Variants in RXFP2 observed in about 807,000 individuals in gnomAD.
The protein encoded by RXFP2 is relaxin family peptide receptor 2.
Under a neutral mutation model 88.6 loss-of-function variants are expected in RXFP2, and 68 were observed. The ratio of observed to expected loss-of-function variants is 0.77; its 90% CI spans 0.63 to 0.94. RXFP2 has a LOEUF of 0.94. RXFP2 is among the 40% of genes least tolerant of loss of function. RXFP2 has a pLI of 0.00. For missense variants in RXFP2, 791 were observed against 893.9 expected, an observed-to-expected ratio of 0.88 and a Z score of 1.47; for synonymous variants, 329 against 306.8, an observed-to-expected ratio of 1.07 and a Z score of -0.76.
chr13:31,750,861 T>C (rs1871637933), intron 1 of RXFP2, among the ~76,000 whole-genome samples: 1 of 152,238 alleles, frequency 6.6e-6, no homozygotes, highest in Non-Finnish European at 1.5e-5. Context: ...GACTTACTTG[T>C]ATGGTTCTTC....
At chr13:31,786,665 T>G (rs112901614) in intron 13 of RXFP2, 28 bp downstream of exon 13, 9 of 1,354,166 alleles carry the variant, frequency 6.6e-6, no homozygotes, top group African/African-American at 4.3e-5. Flanking sequence ...ATTATATTGA[T>G]TATAATTTTA....
In RXFP2 at chr13:31,739,582, A is replaced by C; in HGVS notation, c.-31A>C. ...AGAACTCCTGCTGAGGTATAAGAGG[A>C]TACGTCTAATAACTCAATTGCTGTA... On this transcript the variant is annotated 5_prime_UTR_variant, in exon 1 of 18. Transcript: ENST00000298386. The C allele has an allele frequency of 7.3e-7, 1 of 1,366,260 alleles. No homozygotes were observed. 84.6% of individuals were successfully genotyped at this position (1,366,260 alleles called of 1,614,324 possible).
chr13:31,780,838 T>C (rs541710415), intron 9 of RXFP2, among the ~76,000 whole-genome samples: 9 of 152,150 alleles, frequency 5.9e-5, no homozygotes, highest in Non-Finnish European at 1.3e-4. Context: ...TCGTAAACAA[T>C]GGGCGAACTT....
At chr13:31,787,688 A>G (rs7332735) in intron 13 of RXFP2, among the ~76,000 whole-genome samples, 91,572 of 151,988 alleles carry the variant, frequency 0.6, 27,760 homozygotes, top group East Asian at 0.77. Flanking sequence ...CGCCCAGGCT[A>G]GAGTGCAATG....
chr13:31,760,468 T>C (rs1872256324), intron 2 of RXFP2, among the ~76,000 whole-genome samples: 1 of 152,196 alleles, frequency 6.6e-6, no homozygotes. Flanking sequence ...CTTAGAGCAG[T>C]AGAGTACACA....
rs138767705 is a variant in RXFP2 at position 31,790,454 on chromosome 13, C to T, written c.1145+1261C>T. On this transcript the variant is annotated intron_variant, in intron 14 of 17. Transcript: ENST00000298386. The stretch of plus-strand genomic sequence containing the variant: ...AGATATTAGGAAGCTGAACTGTAAG[C>T]TACTTGAAGGCAAGAATTGCCTCCT... Among the ~76,000 whole-genome samples the T allele has an allele frequency of 2.7e-3, 414 of 152,338 alleles. 3 individuals are homozygous for T. Among genetic ancestry groups the T allele is most frequent in the African/African-American group, 9.2e-3 (381 of 41,568 alleles).
intron 5 of RXFP2, among the ~76,000 whole-genome samples, chr13:31,767,272 T>C (rs527968124): frequency 8.0e-4 from 122 of 152,286 alleles, no homozygotes; most frequent in Non-Finnish European, 1.1e-3. Context: ...CTGGGCTTGA[T>C]TGTGGCCTCT....
intron 5 of RXFP2, among the ~76,000 whole-genome samples, chr13:31,771,181 T>C (rs1209764845): frequency 6.6e-6 from 1 of 152,190 alleles, no homozygotes; most frequent in Non-Finnish European, 1.5e-5. Flanking sequence ...ATTGAGCTAA[T>C]AAAGTTAATC....
chr13:31,743,463 G>A (rs1440140701), intron 1 of RXFP2, among the ~76,000 whole-genome samples: 1 of 126,106 alleles, frequency 7.9e-6, no homozygotes, highest in African/African-American at 2.7e-5. Context: ...GCGAGACTCT[G>A]TCTCAAAATT....
chr13:31,739,827 T>C, intron 1 of RXFP2, 121 bp downstream of exon 1: 1 of 720,888 alleles, frequency 1.4e-6, no homozygotes, highest in Non-Finnish European at 2.5e-6. Context: ...GACATCAAAT[T>C]TGCCTGGTAT....
At chr13:31,761,898 A>T in intron 3 of RXFP2, 97 bp downstream of exon 3, 5 of 809,024 alleles carry the variant, frequency 6.2e-6, no homozygotes, top group Middle Eastern at 2.4e-4. Flanking sequence ...TCCCTTCAGA[A>T]TTTCCGTTTT....
In RXFP2 at chr13:31,758,330, C is replaced by T; in HGVS notation, c.167C>T (p.Thr56Ile). The change falls in exon 2 of 18, where the codon ACC (threonine) becomes ATC (isoleucine). Residue 56 changes from threonine to isoleucine, a missense_variant. Thr to Ile is a moderately conservative substitution (Grantham distance 89). Transcript: ENST00000298386. Reference protein sequence around the residue: ...QKGYFPCGNLTKCLPRAFHCD... With the variant: ...QKGYFPCGNLIKCLPRAFHCD... ...GGATATTTTCCCTGTGGGAATCTTA[C>T]CAAGTGCTTACCCCGAGCTTTTCAC... 1 of 1,614,140 alleles carries T rather than the reference C, an allele frequency of 6.2e-7. No homozygotes were observed. The highest frequency in any genetic ancestry group is 2.2e-5 in the East Asian group (1 of 44,870).
intron 11 of RXFP2, among the ~76,000 whole-genome samples, chr13:31,783,492 A>C (rs1240350359): frequency 7.1e-6 from 1 of 141,388 alleles, no homozygotes; most frequent in East Asian, 2.2e-4. Flanking sequence ...CCTTATTTTG[A>C]AATCCAGAAA....
Position 31,792,660 on chromosome 13 carries a change from G to A in RXFP2, c.1376-18G>A, listed in dbSNP as rs988446573. ...ACATTGGAAACTGATGACATACACT[G>A]TTTCAATTCTTCCACAGGTGCTGAT... On this transcript the variant is annotated intron_variant, in intron 15 of 17. Coordinates refer to ENST00000298386, the MANE Select transcript of RXFP2 (RefSeq NM_130806.5). The A allele has an allele frequency of 2.5e-6, 4 of 1,613,260 alleles. No individual in the cohort carries two copies. Among genetic ancestry groups the A allele is most frequent in the South Asian group, 2.2e-5 (2 of 90,956 alleles).
chr13:31,761,651 C>A, intron 2 of RXFP2, 73 bp from the exon 3 acceptor site: 1 of 982,862 alleles, frequency 1.0e-6, no homozygotes, highest in Non-Finnish European at 1.6e-6. Context: ...AAAATCATTA[C>A]CAAATTGTTA....
intron 1 of RXFP2, among the ~76,000 whole-genome samples, chr13:31,749,812 T>A (rs1433195475): frequency 6.6e-6 from 1 of 152,224 alleles, no homozygotes; most frequent in Non-Finnish European, 1.5e-5. Context: ...TTATGAATAA[T>A]CACAGTTTTA....
At chr13:31,775,469 A>C in intron 7 of RXFP2, 80 bp downstream of exon 7, 1 of 1,014,728 alleles carries the variant, frequency 9.9e-7, no homozygotes, top group Non-Finnish European at 1.6e-6. Flanking sequence ...AGTTTCCACT[A>C]TTTGACATAT....
chr13:31,758,467 C>T (rs566850390), intron 2 of RXFP2, 63 bp downstream of exon 2: 61 of 1,561,840 alleles, frequency 3.9e-5, no homozygotes, highest in Admixed American at 2.5e-4. Flanking sequence ...AACTGTGGGT[C>T]GGTTGGATAA....
At chr13:31,787,487 T>C (rs548131179) in intron 13 of RXFP2, among the ~76,000 whole-genome samples, 3 of 152,246 alleles carry the variant, frequency 2.0e-5, no homozygotes, top group Admixed American at 6.5e-5. Context: ...GTGGACAGCA[T>C]GATTCTTCTC....
Sources: allele counts gnomAD v4.1 joint callset (sites outside exome capture counted in the v4.1 genomes callset), GRCh38; gene constraint gnomAD v4.1.1; transcripts MANE v1.5; gene names NCBI Gene and HGNC (gene_info 2026-07-23, HGNC 2026-07-21).